The following ATAD2 variants were observed in gnomAD, a reference collection of about 807,000 sequenced individuals.
The protein encoded by ATAD2 is ATPase family AAA domain-containing protein 2.
ATAD2 carries 62 observed loss-of-function variants against 168.9 expected under a neutral mutation model. The ratio of observed to expected loss-of-function variants is 0.37; its 90% confidence interval spans 0.30 to 0.45. The LOEUF (loss-of-function observed/expected upper bound fraction) is 0.45, where lower values mean the gene tolerates loss of function less well. Among genes scored for constraint, ATAD2 ranks in the 20% least tolerant of loss-of-function variants. ATAD2 has a pLI of 1.00. For missense variants in ATAD2, 1,419 were observed against 1,667.8 expected (o/e 0.85, Z 2.60); for synonymous variants, 613 against 571.6 (o/e 1.07, Z -1.03).
intron 20 of ATAD2, 135 bp from the exon 21 acceptor site, chr8:123,337,956 A>G (rs1047981483): frequency 1.2e-6 from 1 of 835,648 alleles, no homozygotes; most frequent in African/African-American, 1.7e-5. Context: ...TTTGAAATAC[A>G]AAAGTATTAC....
chr8:123,401,242 G>A (rs1295232987), upstream of ATAD2: 2 of 921,060 alleles, frequency 2.2e-6, no homozygotes, highest in Middle Eastern at 2.7e-4. Context: ...GGCCATCATT[G>A]CCCTCACCGA....
intron 21 of ATAD2, 101 bp from the exon 22 acceptor site, chr8:123,336,633 G>GT (rs1827920831): frequency 4.7e-6 from 4 of 856,968 alleles, no homozygotes; most frequent in Non-Finnish European, 6.7e-6. Context: ...GAATAAATAC[G>GT]TAAGAGATTA....
chr8:123,365,681 T>C (rs549971098), intron 8 of ATAD2, among the ~76,000 whole-genome samples: 2 of 152,298 alleles, frequency 1.3e-5, no homozygotes, highest in African/African-American at 4.8e-5. Flanking sequence ...GGACACCCTA[T>C]TCATCAGATG....
At chr8:123,400,856 A>G, upstream of ATAD2, 2 of 1,381,824 alleles carry the variant, frequency 1.4e-6, no homozygotes, top group Admixed American at 1.7e-5. The surrounding 1 kb of genome is among the most constrained non-coding windows in gnomAD (Gnocchi z 4.5). Flanking sequence ...ATTCACCACA[A>G]CTGCACCCCA....
rs1226558381 is a variant in ATAD2 at position 123,328,328 on chromosome 8, T to A, written c.3730A>T (p.Asn1244Tyr). Reference protein sequence around the residue: ...ESKLELRNNSNTCNIENELED... With the variant: ...ESKLELRNNSYTCNIENELED... ...AGCTCATTCTCTATATTACAAGTATTTGAATTATTTCTCAATTCCAGTTTG... is the reference window on the plus strand; with the variant it reads ...AGCTCATTCTCTATATTACAAGTATATGAATTATTTCTCAATTCCAGTTTG... The change falls in exon 25 of 28, where the codon AAT (asparagine) becomes TAT (tyrosine). Residue 1244 changes from asparagine (N) to tyrosine (Y), a missense_variant. Physicochemically the swap from Asn to Tyr is moderately radical, Grantham distance 143 (BLOSUM62 -2). This residue lies in a region of ATAD2 where 303 missense variants were observed against 304.3 expected (regional missense o/e 1.00). Coordinates refer to ENST00000287394, the MANE Select transcript of ATAD2 (RefSeq NM_014109.4). 1.9e-6 allele frequency: 3 copies of A among 1,608,222 alleles called. No homozygotes were observed. In the Admixed American group the frequency reaches 5.1e-5, roughly 27 times the overall value.
At chr8:123,373,667 T>C (rs1042169958) in intron 2 of ATAD2, among the ~76,000 whole-genome samples, 6 of 151,690 alleles carry the variant, frequency 4.0e-5, no homozygotes, top group Non-Finnish European at 7.4e-5. Context: ...CAGGCGCCTG[T>C]AGTCCCAGAT....
intron 1 of ATAD2, among the ~76,000 whole-genome samples, chr8:123,413,888 G>A (rs1424122944): frequency 2.0e-5 from 3 of 151,962 alleles, no homozygotes; most frequent in African/African-American, 7.3e-5. Flanking sequence ...GACACTCAGT[G>A]ACAAGAGTAT....
chr8:123,362,699 G>A (rs1200033914), intron 8 of ATAD2, among the ~76,000 whole-genome samples: 1 of 152,012 alleles, frequency 6.6e-6, no homozygotes, highest in Non-Finnish European at 1.5e-5. Flanking sequence ...TAAGGTGTGA[G>A]TCATCACGCC....
rs556643415 is a variant in ATAD2 at position 123,396,251 on chromosome 8, C to T, written c.107G>A (p.Arg36Gln). The T allele has an allele frequency of 1.9e-6, 3 of 1,609,040 alleles. No homozygotes were observed. Among genetic ancestry groups the T allele is most frequent in the Non-Finnish European group, 1.7e-6 (2 of 1,179,112 alleles). ...CGCGCCGGCCGAGCGGAGCCGCCTC[C>T]GGCCGATGTGCTCCAGACTGAGGAA... ...SDFLSLEHIG[R>Q]RRLRSAGAAQ... is the part of the protein sequence containing the mutation. The change falls in exon 1 of 28, where the codon CGG (arginine) becomes CAG (glutamine). Residue 36 changes from arginine to glutamine, a missense_variant. This residue lies in a region of ATAD2 where 419 missense variants were observed against 423.5 expected (regional missense o/e 0.99). Coordinates refer to ENST00000287394, the MANE Select transcript of ATAD2 (RefSeq NM_014109.4).
chr8:123,338,729 G>A (rs1419906231), intron 20 of ATAD2, among the ~76,000 whole-genome samples: 1 of 152,074 alleles, frequency 6.6e-6, no homozygotes, highest in Non-Finnish European at 1.5e-5. Flanking sequence ...AATAAATGAG[G>A]TATACTAAAA....
At chr8:123,361,247 G>C (rs1828810635) in intron 9 of ATAD2, among the ~76,000 whole-genome samples, 2 of 151,640 alleles carry the variant, frequency 1.3e-5, no homozygotes, top group African/African-American at 4.8e-5. Flanking sequence ...AACCCGGGAG[G>C]TGGTGGTTGC....
chr8:123,339,557 T>C, intron 19 of ATAD2, 111 bp from the exon 20 acceptor site: 1 of 983,064 alleles, frequency 1.0e-6, no homozygotes, highest in Non-Finnish European at 1.5e-6. Context: ...GTGACATGTA[T>C]TCAGTATGTC....
intron 1 of ATAD2, among the ~76,000 whole-genome samples, chr8:123,390,281 A>G (rs1000081233): frequency 6.6e-6 from 1 of 151,930 alleles, no homozygotes. Context: ...CTGCACCCAG[A>G]CTACCATTAT....
intron 19 of ATAD2, 86 bp downstream of exon 19, chr8:123,344,798 C>T (rs751073897): frequency 1.8e-5 from 25 of 1,412,002 alleles, no homozygotes; most frequent in African/African-American, 2.9e-5. Context: ...ACTTCTACAG[C>T]ATTTGAATTT....
Position 123,411,866 on chromosome 8 carries a change from C to G in ATAD2, c.-2282+4382G>C, listed in dbSNP as rs560244248. 1.4e-3 allele frequency among the ~76,000 whole-genome samples: 214 copies of G among 152,246 alleles called. 1 individual carries two copies. The highest frequency in any genetic ancestry group is 5.0e-3 in the African/African-American group (206 of 41,532). ...GCACAATATGGCAGATTAGAAACTGCTGGCTATCTCTCAGTATGCATTCTC... is the reference window on the plus strand; with the variant it reads ...GCACAATATGGCAGATTAGAAACTGGTGGCTATCTCTCAGTATGCATTCTC... On this transcript the variant is annotated intron_variant, in intron 1 of 28. Coordinates refer to the ATAD2 transcript ENST00000521903.
chr8:123,401,108 T>G (rs1421507755), upstream of ATAD2: 6 of 1,453,704 alleles, frequency 4.1e-6, no homozygotes, highest in Non-Finnish European at 4.8e-6. Flanking sequence ...CTCAGTGAGG[T>G]GATGATGCCA....
chr8:123,383,056 G>A (rs1829536145), intron 1 of ATAD2, among the ~76,000 whole-genome samples: 1 of 152,208 alleles, frequency 6.6e-6, no homozygotes, highest in Non-Finnish European at 1.5e-5. Context: ...GGACATGGAT[G>A]AAGCTGGAAG....
At chr8:123,342,529 G>C (rs536582684) in intron 19 of ATAD2, 11 of 152,110 alleles carry the variant, frequency 7.2e-5, no homozygotes, top group African/African-American at 2.6e-4. Context: ...CAATAAGTTG[G>C]ATTTTTAGGA....
intron 1 of ATAD2, among the ~76,000 whole-genome samples, chr8:123,388,439 C>T (rs1032070999): frequency 2.0e-5 from 3 of 152,092 alleles, no homozygotes; most frequent in African/African-American, 7.2e-5. Context: ...GGCTGGGGTG[C>T]AGTGAGTGTA....
Sources: gnomAD v4.1 joint callset for allele counts (sites outside exome capture counted in the v4.1 genomes callset) on GRCh38, gnomAD v4.1.1 for gene constraint, gnomAD v4.1.1 regional missense constraint, Gnocchi (gnomAD v3.1) non-coding constraint, MANE v1.5 for transcripts, NCBI Gene and HGNC (gene_info 2026-07-23, HGNC 2026-07-21) for gene names.